MAML3: variants seen among roughly 807,000 people sequenced by gnomAD.
The protein encoded by MAML3 is mastermind-like protein 3.
A neutral mutation model predicts 101.9 loss-of-function variants in MAML3; 27 were observed. The ratio of observed to expected loss-of-function variants is 0.27; its 90% CI spans 0.20 to 0.37. The LOEUF (loss-of-function observed/expected upper bound fraction) is 0.37. MAML3 is among the 10% of genes least tolerant of loss of function. The pLI, the probability that MAML3 is intolerant of heterozygous loss-of-function variation, is 1.00. For missense variants in MAML3, 1,316 were observed against 1,444.9 expected, an observed-to-expected ratio of 0.91 and a Z score of 1.45; for synonymous variants, 501 against 555.9, an observed-to-expected ratio of 0.90 and a Z score of 1.39.
chr4:140,083,374 T>C (rs1271346646), intron 1 of MAML3, among the ~76,000 whole-genome samples: 1 of 152,248 alleles, frequency 6.6e-6, no homozygotes, highest in Non-Finnish European at 1.5e-5. Flanking sequence ...GATTTCTGAA[T>C]AAATGAGCAC....
intron 1 of MAML3, among the ~76,000 whole-genome samples, chr4:140,150,930 A>G (rs531382657): frequency 3.9e-5 from 6 of 152,124 alleles, no homozygotes; most frequent in African/African-American, 1.4e-4. Context: ...TTCTTCCTCA[A>G]AACCAACCGA....
intron 1 of MAML3, among the ~76,000 whole-genome samples, chr4:140,144,871 C>T (rs531998244): frequency 2.6e-4 from 40 of 152,214 alleles, no homozygotes; most frequent in Admixed American, 2.2e-3. Flanking sequence ...TCCTTTTTTG[C>T]CTCTCCTACC....
At chr4:140,115,212 A>G (rs1269682706) in intron 1 of MAML3, among the ~76,000 whole-genome samples, 1 of 152,216 alleles carries the variant, frequency 6.6e-6, no homozygotes, top group Non-Finnish European at 1.5e-5. Context: ...CTTCCATATG[A>G]GTTAGCACTA....
intron 1 of MAML3, among the ~76,000 whole-genome samples, chr4:140,019,978 C>T (rs1726706188): frequency 6.6e-6 from 1 of 152,136 alleles, no homozygotes; most frequent in African/African-American, 2.4e-5. Flanking sequence ...CTTGGAACAC[C>T]AGTTCTGAGG....
At chr4:140,017,655 T>G (rs920592941) in intron 1 of MAML3, among the ~76,000 whole-genome samples, 6 of 151,726 alleles carry the variant, frequency 4.0e-5, no homozygotes, top group Non-Finnish European at 8.8e-5. Context: ...CAGAGAATCA[T>G]GCTGAGCAGG....
chr4:139,721,938 T>C (rs1392876583), intron 4 of MAML3, among the ~76,000 whole-genome samples: 1 of 152,138 alleles, frequency 6.6e-6, no homozygotes, highest in East Asian at 1.9e-4. Context: ...TGTGGTGAAA[T>C]GGGTTATTGA....
chr4:139,836,711 G>A (rs918018349), intron 2 of MAML3, among the ~76,000 whole-genome samples: 1 of 151,988 alleles, frequency 6.6e-6, no homozygotes, highest in African/African-American at 2.4e-5. Context: ...TGGAGAGCCC[G>A]GGCCTATGTT....
At chr4:139,769,103 T>C (rs1460245397) in intron 2 of MAML3, among the ~76,000 whole-genome samples, 1 of 152,194 alleles carries the variant, frequency 6.6e-6, no homozygotes. Context: ...CTAAAGGAAC[T>C]CTGAGTCTCA....
chr4:139,813,707 G>A (rs576269503), intron 2 of MAML3, among the ~76,000 whole-genome samples: 1 of 152,218 alleles, frequency 6.6e-6, no homozygotes, highest in African/African-American at 2.4e-5. Context: ...CCATGAACTG[G>A]GTCCCCACAG....
At chr4:140,069,497 G>A (rs1261173530) in intron 1 of MAML3, among the ~76,000 whole-genome samples, 1 of 114,964 alleles carries the variant, frequency 8.7e-6, no homozygotes, top group Non-Finnish European at 1.8e-5. Flanking sequence ...GGAGGAGGAG[G>A]GGAGGAGGAG....
At chr4:139,912,202 A>C (rs1449935236) in intron 1 of MAML3, among the ~76,000 whole-genome samples, 1 of 152,226 alleles carries the variant, frequency 6.6e-6, no homozygotes, top group Non-Finnish European at 1.5e-5. Context: ...GAGGAAGGGC[A>C]TATCAATGCC....
Position 139,785,923 on chromosome 4 carries a change from G to A in MAML3, c.2080-55256C>T, listed in dbSNP as rs1321665710. On this transcript the variant is annotated intron_variant, in intron 2 of 4. Coordinates refer to ENST00000509479, the MANE Select transcript of MAML3 (RefSeq NM_018717.5). The surrounding 1 kb of genome is among the most constrained non-coding windows in gnomAD (Gnocchi z 4.3). ...AATTTTAAGTTCCCGATGGTAAAATGGGGGTGTTATGGACTGAATTGTGTC... is the reference window on the plus strand; with the variant it reads ...AATTTTAAGTTCCCGATGGTAAAATAGGGGTGTTATGGACTGAATTGTGTC... 6.6e-6 allele frequency among the ~76,000 whole-genome samples: 1 copy of A among 152,116 alleles called. No homozygotes were observed.
intron 2 of MAML3, 79 bp downstream of exon 2, chr4:139,889,278 A>C: frequency 6.2e-7 from 1 of 1,611,684 alleles, no homozygotes; most frequent in Non-Finnish European, 8.5e-7. Flanking sequence ...CTACAGTGGA[A>C]GCTTGTAGAA....
intron 1 of MAML3, among the ~76,000 whole-genome samples, chr4:140,092,563 T>TCCCCGC (rs889857677): frequency 3.3e-5 from 5 of 152,032 alleles, no homozygotes; most frequent in Non-Finnish European, 5.9e-5. Flanking sequence ...GCCACTTAAC[T>TCCCCGC]CCCCGCCGCA....
At chr4:140,054,299 G>T (rs892430605) in intron 1 of MAML3, among the ~76,000 whole-genome samples, 10 of 149,536 alleles carry the variant, frequency 6.7e-5, no homozygotes, top group Non-Finnish European at 3.0e-5. Context: ...AACCCAGGAG[G>T]AAGAGGCTGC....
intron 1 of MAML3, among the ~76,000 whole-genome samples, chr4:139,964,521 T>C (rs1023558232): frequency 6.6e-6 from 1 of 152,000 alleles, no homozygotes; most frequent in African/African-American, 2.4e-5. Flanking sequence ...ACCTATGTAA[T>C]AAACCTGCAC....
At chr4:139,828,999 A>C (rs1350151508) in intron 2 of MAML3, among the ~76,000 whole-genome samples, 1 of 131,736 alleles carries the variant, frequency 7.6e-6, no homozygotes, top group African/African-American at 3.0e-5. Context: ...GGAAGGAAGG[A>C]AGGAAGGAAG....
chr4:140,079,856 T>C (rs1161442747), intron 1 of MAML3, among the ~76,000 whole-genome samples: 1 of 152,232 alleles, frequency 6.6e-6, no homozygotes, highest in African/African-American at 2.4e-5. Flanking sequence ...ATTTTCTTAA[T>C]TGTTATGTAA....
chr4:139,942,581 G>C (rs1395637551), intron 1 of MAML3, among the ~76,000 whole-genome samples: 1 of 151,590 alleles, frequency 6.6e-6, no homozygotes, highest in Admixed American at 6.6e-5. Context: ...ACTTAAATCA[G>C]TCATCAGAAA....
Sources: gnomAD v4.1 joint callset for allele counts (sites outside exome capture counted in the v4.1 genomes callset) on GRCh38, gnomAD v4.1.1 for gene constraint, Gnocchi (gnomAD v3.1) non-coding constraint, MANE v1.5 for transcripts, NCBI Gene and HGNC (gene_info 2026-07-23, HGNC 2026-07-21) for gene names.